LRRC28: variants seen among roughly 807,000 people sequenced by gnomAD.
LRRC28 encodes the protein leucine rich repeat containing 28.
LRRC28 carries 39 observed loss-of-function variants against 45.7 expected under a neutral mutation model. The observed-to-expected ratio is 0.85, with a 90% CI of 0.66 to 1.12. The LOEUF (loss-of-function observed/expected upper bound fraction) is 1.12, where lower values mean the gene tolerates loss of function less well. Ranked by LOEUF, LRRC28 falls within the 50% of genes most tolerant of loss-of-function variation. The pLI is 0.00. For synonymous variants in LRRC28, 206 were observed against 178.8 expected (o/e 1.15, Z -1.22); for missense variants, 435 against 438.5 (o/e 0.99, Z 0.07).
chr15:99,385,965 C>A, intron 9 of LRRC28, 65 bp from the exon 10 acceptor site: 2 of 1,446,668 alleles, frequency 1.4e-6, no homozygotes, highest in Non-Finnish European at 1.9e-6. Context: ...AAGTTTCCAG[C>A]AGAAAGAATC....
chr15:99,308,868 G>A (rs1238686207), intron 5 of LRRC28, among the ~76,000 whole-genome samples: 1 of 152,214 alleles, frequency 6.6e-6, no homozygotes, highest in Non-Finnish European at 1.5e-5. Context: ...TCAAGGTTGG[G>A]TTGGCCAGGG....
At chr15:99,252,607 G>A (rs997389573) in intron 1 of LRRC28, among the ~76,000 whole-genome samples, 1 of 152,186 alleles carries the variant, frequency 6.6e-6, no homozygotes, top group Non-Finnish European at 1.5e-5. Flanking sequence ...TACAAAACGG[G>A]CTACATAATG....
intron 2 of LRRC28, among the ~76,000 whole-genome samples, chr15:99,262,372 A>G (rs2081222009): frequency 6.6e-6 from 1 of 152,100 alleles, no homozygotes; most frequent in South Asian, 2.1e-4. Flanking sequence ...ACTTGAAGCT[A>G]GGAGTTTGAG....
At chr15:99,370,323 A>G (rs1282106438) in intron 9 of LRRC28, among the ~76,000 whole-genome samples, 1 of 152,210 alleles carries the variant, frequency 6.6e-6, no homozygotes, top group Non-Finnish European at 1.5e-5. Flanking sequence ...ACAAAATTAA[A>G]TATTCTCTAA....
intron 6 of LRRC28, among the ~76,000 whole-genome samples, chr15:99,334,369 A>G (rs1445472476): frequency 1.3e-5 from 2 of 151,644 alleles, no homozygotes; most frequent in Non-Finnish European, 2.9e-5. Context: ...GATAAAATAT[A>G]TGAGATGATT....
rs577245362 is a variant in LRRC28 at position 99,361,435 on chromosome 15, G to A, written c.795G>A (p.Thr265=). 3.2e-5 allele frequency: 51 copies of A among 1,613,952 alleles called. 1 individual carries two copies. The South Asian group carries it at 3.8e-4, about 12-fold the overall frequency. The change falls in exon 8 of 10, where the codon ACG becomes ACA. Residue 265 remains threonine, a synonymous_variant. Coordinates refer to ENST00000301981, the MANE Select transcript of LRRC28 (RefSeq NM_144598.5). ...CAGCTGAGGTGAAGGCCATAGGGACGGAGCATGATCACGTCCTCCCTCTGC... is the reference window on the plus strand; with the variant it reads ...CAGCTGAGGTGAAGGCCATAGGGACAGAGCATGATCACGTCCTCCCTCTGC... ...FLPAEVKAIG[T]EHDHVLPLQE...
chr15:99,355,777 A>C (rs559252056), intron 7 of LRRC28: 1 of 150,160 alleles, frequency 6.7e-6, no homozygotes, highest in African/African-American at 2.4e-5. Context: ...TTTGCTTTTT[A>C]TTGTGTAAAT....
chr15:99,335,329 A>T (rs1394489604), intron 6 of LRRC28, among the ~76,000 whole-genome samples: 1 of 152,206 alleles, frequency 6.6e-6, no homozygotes, highest in Admixed American at 6.5e-5. Flanking sequence ...TGAGCTTCAT[A>T]AATTTTATTT....
Position 99,334,046 on chromosome 15 carries a change from G to C in LRRC28, c.509G>C (p.Trp170Ser), listed in dbSNP as rs1275912466. Residue 170 changes from tryptophan (W) to serine (S), a missense_variant, in exon 6 of 10, where the codon TGG (tryptophan) becomes TCG (serine). By Grantham distance (177) the Trp-to-Ser change is radical. Coordinates refer to ENST00000301981, the MANE Select transcript of LRRC28 (RefSeq NM_144598.5). ...QYLTVDRNRL[W>S]YVPRHLCQLP... is the part of the protein sequence containing the mutation. ...CTCACTGTGGACCGAAATCGTCTAT[G>C]GTATGTGCCGCGCCATCTCTGCCAG... 1 of 1,614,090 alleles carries C rather than the reference G, an allele frequency of 6.2e-7. No individual in the cohort carries two copies. Among genetic ancestry groups the C allele is most frequent in the South Asian group, 1.1e-5 (1 of 91,084 alleles).
intron 9 of LRRC28, 184 bp downstream of exon 9, chr15:99,363,449 AT>A: frequency 3.3e-6 from 2 of 611,120 alleles, no homozygotes; most frequent in Non-Finnish European, 5.4e-6. Context: ...ACTTGCCTTT[AT>A]TAATTTTTTG....
intron 1 of LRRC28, among the ~76,000 whole-genome samples, chr15:99,253,826 T>A (rs114999792): frequency 6.6e-6 from 1 of 151,990 alleles, no homozygotes; most frequent in Admixed American, 6.5e-5. Context: ...ATGGAGAGAT[T>A]TGGATGGATT....
chr15:99,267,463 T>C (rs2081362200), intron 2 of LRRC28, among the ~76,000 whole-genome samples: 1 of 152,200 alleles, frequency 6.6e-6, no homozygotes, highest in African/African-American at 2.4e-5. Context: ...GGACTTCTTG[T>C]TTTTCTCCAG....
chr15:99,375,029 C>T (rs750209132), intron 9 of LRRC28, among the ~76,000 whole-genome samples: 33 of 152,232 alleles, frequency 2.2e-4, no homozygotes, highest in Non-Finnish European at 4.1e-4. Context: ...AATGTGTTAA[C>T]TATAATAATA....
intron 5 of LRRC28, among the ~76,000 whole-genome samples, chr15:99,315,497 A>T (rs1448278695): frequency 6.6e-6 from 1 of 152,212 alleles, no homozygotes; most frequent in African/African-American, 2.4e-5. Flanking sequence ...TCATGCCAGT[A>T]GTGCTATTGA....
chr15:99,329,386 A>G (rs565312657), intron 5 of LRRC28, among the ~76,000 whole-genome samples: 18 of 152,304 alleles, frequency 1.2e-4, no homozygotes, highest in African/African-American at 3.8e-4. Context: ...AAAATACAAG[A>G]AATCTCCCCT....
At chr15:99,267,717 T>A (rs2081368634) in intron 2 of LRRC28, among the ~76,000 whole-genome samples, 1 of 152,254 alleles carries the variant, frequency 6.6e-6, no homozygotes. Context: ...GTCTTCATAA[T>A]ACACATGTGC....
At chr15:99,285,596 A>T in intron 3 of LRRC28, 1 of 700,438 alleles carries the variant, frequency 1.4e-6, no homozygotes, top group South Asian at 1.7e-5. Flanking sequence ...GGGAGGAGAG[A>T]CTTTAACGAT....
chr15:99,288,882 G>A (rs2082035061), intron 5 of LRRC28, among the ~76,000 whole-genome samples: 1 of 151,810 alleles, frequency 6.6e-6, no homozygotes, highest in South Asian at 2.1e-4. Context: ...GTTTTGCCAT[G>A]TTGGCTAGGC....
At chr15:99,285,509 C>A in intron 3 of LRRC28, 1 of 1,082,776 alleles carries the variant, frequency 9.2e-7, no homozygotes, top group Non-Finnish European at 1.4e-6. Context: ...TCGGTTGTTT[C>A]AAAGCTCAGG....
Sources: gnomAD v4.1 joint callset for allele counts (sites outside exome capture counted in the v4.1 genomes callset) on GRCh38, gnomAD v4.1.1 for gene constraint, MANE v1.5 for transcripts, NCBI Gene and HGNC (gene_info 2026-07-23, HGNC 2026-07-21) for gene names.